CDH23: variants seen among roughly 807,000 people sequenced by gnomAD.
CDH23 encodes cadherin related 23.
CDH23 carries 189 observed loss-of-function variants against 317.1 expected under a neutral mutation model. That is an observed-to-expected ratio of 0.60 (90% confidence interval 0.53 to 0.67). The LOEUF (loss-of-function observed/expected upper bound fraction) is 0.67. Ranked by LOEUF, CDH23 falls within the 30% of genes least tolerant of loss-of-function variation. CDH23 has a pLI of 0.00. For synonymous variants in CDH23, 1,839 were observed against 1,876.8 expected (o/e 0.98, Z 0.52); for missense variants, 4,401 against 4,592.4 (o/e 0.96, Z 1.20).
Position 71,740,899 on chromosome 10 carries a change from C to T in CDH23, c.4566C>T (p.Asp1522=), listed in dbSNP as rs1275125853. 1 of 1,613,874 alleles carries T rather than the reference C, an allele frequency of 6.2e-7. No homozygotes were observed. The highest frequency in any genetic ancestry group is 8.5e-7 in the Non-Finnish European group (1 of 1,179,894). ...ILQVTILDIN[D]NPPVIESPFG... ...AGGTGACCATCCTGGACATCAATGA[C>T]AACCCTCCAGTCATCGAGAGCCCCT... The change falls in exon 37 of 70, where the codon GAC becomes GAT. Residue 1522 remains aspartate, a synonymous_variant. Transcript: ENST00000224721.
chr10:71,766,024 T>C (rs1840534510), intron 38 of CDH23, among the ~76,000 whole-genome samples: 1 of 152,078 alleles, frequency 6.6e-6, no homozygotes, highest in African/African-American at 2.4e-5. Context: ...AGGCATGGCA[T>C]GGGGGAGAGG....
At chr10:71,655,474 T>G (rs1201419636) in intron 14 of CDH23, among the ~76,000 whole-genome samples, 1 of 152,170 alleles carries the variant, frequency 6.6e-6, no homozygotes, top group African/African-American at 2.4e-5. Flanking sequence ...AGCACCGCCT[T>G]AAAAAGCCCA....
intron 3 of CDH23, among the ~76,000 whole-genome samples, chr10:71,455,378 G>A (rs1180359050): frequency 6.6e-6 from 1 of 151,672 alleles, no homozygotes; most frequent in Non-Finnish European, 1.5e-5. Flanking sequence ...CAATTAAGAT[G>A]ATTTTTAAAC....
intron 9 of CDH23, among the ~76,000 whole-genome samples, chr10:71,602,321 G>A (rs945477761): frequency 2.0e-5 from 3 of 152,096 alleles, no homozygotes; most frequent in South Asian, 2.1e-4. Flanking sequence ...AGTGAGAGCC[G>A]CTCTGTACCA....
intron 66 of CDH23, 53 bp from the exon 67 acceptor site, chr10:71,812,427 C>G (rs1412281165): frequency 3.7e-6 from 6 of 1,611,062 alleles, no homozygotes; most frequent in Non-Finnish European, 5.1e-6. Flanking sequence ...GGAAGGGCAC[C>G]TGTCTACTCG....
chr10:71,793,251 T>C lies in CDH23; in HGVS notation c.6323T>C (p.Ile2108Thr), dbSNP rs1198525214. 4.3e-6 allele frequency: 7 copies of C among 1,613,792 alleles called. No homozygotes were observed. The highest frequency in any genetic ancestry group is 1.1e-5 in the South Asian group (1 of 91,074). The change falls in exon 48 of 70, where the codon ATA becomes ACA. Residue 2108 changes from isoleucine (I) to threonine (T), a missense_variant. This residue lies in a region of CDH23 where 3,068 missense variants were observed against 3,203.3 expected (regional missense o/e 0.96). Transcript: ENST00000224721. ...SGLNGELVYR[I>T]EAGAQDRFLI... ...CTCAATGGGGAGCTGGTCTACCGAATAGAAGCTGGGGCTCAGGACCGCTTC... is the reference window on the plus strand; with the variant it reads ...CTCAATGGGGAGCTGGTCTACCGAACAGAAGCTGGGGCTCAGGACCGCTTC...
intron 6 of CDH23, among the ~76,000 whole-genome samples, chr10:71,516,620 G>A (rs1276714443): frequency 6.6e-6 from 1 of 152,166 alleles, no homozygotes; most frequent in African/African-American, 2.4e-5. Flanking sequence ...GCCCAACACT[G>A]TTTTCTGCAT....
At chr10:71,609,557 T>C (rs1374150193) in intron 9 of CDH23, among the ~76,000 whole-genome samples, 1 of 152,196 alleles carries the variant, frequency 6.6e-6, no homozygotes, top group Non-Finnish European at 1.5e-5. Context: ...CTCTCTGCTC[T>C]ATCTGACCCT....
intron 19 of CDH23, among the ~76,000 whole-genome samples, chr10:71,689,040 G>C (rs1035767645): frequency 9.0e-6 from 1 of 111,390 alleles, no homozygotes; most frequent in Non-Finnish European, 2.1e-5. Context: ...AGTCAGGGGT[G>C]GTGGAGCCAG....
At chr10:71,706,762 A>G in intron 25 of CDH23, 135 bp from the exon 26 acceptor site, 1 of 1,428,234 alleles carries the variant, frequency 7.0e-7, no homozygotes, top group Middle Eastern at 2.5e-4. Context: ...AGGTGTTGAC[A>G]CAGATGCCAC....
At chr10:71,587,498 A>G (rs1171626832) in intron 9 of CDH23, among the ~76,000 whole-genome samples, 1 of 152,226 alleles carries the variant, frequency 6.6e-6, no homozygotes, top group African/African-American at 2.4e-5. Flanking sequence ...AGGGATCATA[A>G]ATAAATCAGC....
At chr10:71,404,450 C>A (rs1403721426) in intron 1 of CDH23, among the ~76,000 whole-genome samples, 1 of 152,228 alleles carries the variant, frequency 6.6e-6, no homozygotes, top group Admixed American at 6.5e-5. Context: ...TTTCCGATAC[C>A]CCCTTGCTCC....
Position 71,770,641 on chromosome 10 carries a change from G to A in CDH23, c.4846-7039G>A, listed in dbSNP as rs143112211. Among the ~76,000 whole-genome samples the A allele has an allele frequency of 7.0e-4, 107 of 152,286 alleles. 1 individual carries two copies. The highest frequency in any genetic ancestry group is 1.9e-3 in the African/African-American group (77 of 41,548). On this transcript the variant is annotated intron_variant, in intron 38 of 69. Transcript: ENST00000224721. ...TATGTGGGGCTCGCTCACTGCCAACGGGTTCTCCTTGAGGATCCCTTTCTT... is the reference window on the plus strand; with the variant it reads ...TATGTGGGGCTCGCTCACTGCCAACAGGTTCTCCTTGAGGATCCCTTTCTT...
chr10:71,487,381 G>A (rs1297969983), intron 3 of CDH23, among the ~76,000 whole-genome samples: 6 of 152,062 alleles, frequency 3.9e-5, no homozygotes, highest in African/African-American at 4.8e-5. Context: ...AGCCCAAGCC[G>A]TTCAGACCCG....
At chr10:71,439,796 C>T (rs1234206311) in intron 1 of CDH23, 31 bp from the exon 2 acceptor site, 1 of 1,531,224 alleles carries the variant, frequency 6.5e-7, no homozygotes, top group Non-Finnish European at 8.9e-7. Flanking sequence ...CAGGAAGCTT[C>T]TCACCCTCTT....
chr10:71,728,997 A>AT (rs894390882), intron 30 of CDH23, among the ~76,000 whole-genome samples: 8 of 150,460 alleles, frequency 5.3e-5, no homozygotes, highest in South Asian at 2.1e-4. Flanking sequence ...CCCCTGGCTA[A>AT]TTTTTTTTTG....
chr10:71,691,888 G>A (rs905743478), intron 20 of CDH23, among the ~76,000 whole-genome samples: 5 of 152,134 alleles, frequency 3.3e-5, no homozygotes, highest in African/African-American at 7.2e-5. Context: ...GCAGATGGCC[G>A]GTGCTGATGG....
At position 71,446,251 on chromosome 10, in the gene CDH23, T is replaced by C. The variant is rs1850160354; in HGVS notation, c.68-67T>C. On this transcript the variant is annotated intron_variant, in intron 2 of 69. Coordinates refer to ENST00000224721, the MANE Select transcript of CDH23 (RefSeq NM_022124.6). ...TGCCCACTGCAGCCCTCACCCTGTGTCACCTTATAGAGTGTGTAAAGCTGA... is the reference window on the plus strand; with the variant it reads ...TGCCCACTGCAGCCCTCACCCTGTGCCACCTTATAGAGTGTGTAAAGCTGA... The C allele has an allele frequency of 2.0e-6, 3 of 1,468,712 alleles. No individual in the cohort carries two copies. The African/African-American group carries it at 4.2e-5, about 20-fold the overall frequency. 91.0% of individuals were successfully genotyped at this position (1,468,712 alleles called of 1,614,324 possible).
chr10:71,701,866 C>A (rs998378176), intron 22 of CDH23, among the ~76,000 whole-genome samples, 156 bp from the exon 23 acceptor site: 3 of 152,156 alleles, frequency 2.0e-5, no homozygotes, highest in Non-Finnish European at 4.4e-5. Flanking sequence ...CCCTCTCGGA[C>A]CCCCCTACCG....
Sources: allele counts gnomAD v4.1 joint callset (sites outside exome capture counted in the v4.1 genomes callset), GRCh38; gene constraint gnomAD v4.1.1; regional missense constraint gnomAD v4.1.1; transcripts MANE v1.5; gene names NCBI Gene and HGNC (gene_info 2026-07-23, HGNC 2026-07-21).